The following SPRY3 variants were observed in gnomAD, a reference collection of about 807,000 sequenced individuals.
SPRY3 encodes the protein protein sprouty homolog 3.
A neutral mutation model predicts 20.2 loss-of-function variants in SPRY3; 15 were observed. That is an observed-to-expected ratio of 0.74 (90% CI 0.50 to 1.14). SPRY3 has a LOEUF of 1.14. SPRY3 is among the 50% of genes most tolerant of loss of function. The pLI is 0.00. For synonymous variants in SPRY3, 143 were observed against 136.5 expected, an observed-to-expected ratio of 1.05 and a Z score of -0.33; for missense variants, 364 against 363.9, an observed-to-expected ratio of 1.00 and a Z score of 0.00.
chrX:155,730,732 G>A (rs1399132545), intron 2 of SPRY3, among the ~76,000 whole-genome samples: 2 of 152,050 alleles, frequency 1.3e-5, no homozygotes, highest in African/African-American at 4.8e-5. Context: ...ATCCTTGTTT[G>A]CAGATGATAT....
At chrX:155,674,097 C>T (rs1019742184) in intron 2 of SPRY3, among the ~76,000 whole-genome samples, 1 of 111,398 alleles carries the variant, frequency 9.0e-6, no homozygotes, top group Non-Finnish European at 1.9e-5. Context: ...TAATTTTGTA[C>T]GGTGGTTCCC....
chrX:155,685,981 G>T (rs2068086623), intron 2 of SPRY3, among the ~76,000 whole-genome samples: 1 of 110,554 alleles, frequency 9.0e-6, no homozygotes, highest in Non-Finnish European at 1.9e-5. Flanking sequence ...AAACCATGTT[G>T]GCCAGGATGG....
intron 1 of SPRY3, among the ~76,000 whole-genome samples, chrX:155,654,860 C>A (rs782124294): frequency 1.5e-4 from 17 of 111,135 alleles, no homozygotes; most frequent in African/African-American, 5.6e-4. Flanking sequence ...TTAATGATTT[C>A]TTTTCCATTG....
intron 2 of SPRY3, among the ~76,000 whole-genome samples, chrX:155,710,781 A>G (rs748061642): frequency 6.6e-6 from 1 of 151,726 alleles, no homozygotes; most frequent in Admixed American, 6.6e-5. Flanking sequence ...CATTCACTAT[A>G]ATACTAGCTG....
At chrX:155,682,008 A>G (rs2068075253) in intron 2 of SPRY3, among the ~76,000 whole-genome samples, 1 of 112,860 alleles carries the variant, frequency 8.9e-6, no homozygotes, top group African/African-American at 3.2e-5. Context: ...ATGTTGATGA[A>G]ACAGTCTTCT....
At chrX:155,680,112 G>T (rs1303235741) in intron 2 of SPRY3, among the ~76,000 whole-genome samples, 1 of 104,649 alleles carries the variant, frequency 9.6e-6, no homozygotes, top group Non-Finnish European at 2.0e-5. Context: ...TAGCAATGAG[G>T]AGCCACTGAA....
intron 2 of SPRY3, among the ~76,000 whole-genome samples, chrX:155,732,942 G>C (rs1305713439): frequency 6.6e-6 from 1 of 151,842 alleles, no homozygotes; most frequent in African/African-American, 2.4e-5. Context: ...CTTAGTCATG[G>C]GAGCTAAAAA....
chrX:155,737,754 C>A (rs897497408), intron 2 of SPRY3, among the ~76,000 whole-genome samples: 1 of 151,934 alleles, frequency 6.6e-6, no homozygotes, highest in African/African-American at 2.4e-5. Flanking sequence ...TCATGTGAAG[C>A]CTTTTGCTCA....
At chrX:155,760,897 T>A (rs1213894906) in intron 2 of SPRY3, among the ~76,000 whole-genome samples, 1 of 152,166 alleles carries the variant, frequency 6.6e-6, no homozygotes, top group Admixed American at 6.5e-5. Context: ...TGGGGACCCA[T>A]GCTTTAAAGT....
At chrX:155,707,346 A>C (rs2090958983) in intron 2 of SPRY3, among the ~76,000 whole-genome samples, 1 of 151,216 alleles carries the variant, frequency 6.6e-6, no homozygotes, top group Non-Finnish European at 1.5e-5. Flanking sequence ...CAGAGAACAT[A>C]GATTTGTTTT....
At chrX:155,646,841 G>A (rs1174107831) in intron 1 of SPRY3, among the ~76,000 whole-genome samples, 1 of 111,127 alleles carries the variant, frequency 9.0e-6, no homozygotes, top group Non-Finnish European at 1.9e-5. Flanking sequence ...GATACAAGTG[G>A]TGGGAGTGAT....
intron 2 of SPRY3, among the ~76,000 whole-genome samples, chrX:155,741,723 A>G (rs2091205267): frequency 1.3e-5 from 2 of 152,074 alleles, no homozygotes; most frequent in Non-Finnish European, 2.9e-5. Context: ...AGAATTTCCA[A>G]CCCAGAACAT....
intron 2 of SPRY3, among the ~76,000 whole-genome samples, chrX:155,706,682 A>G (rs1197348180): frequency 6.6e-6 from 1 of 151,076 alleles, no homozygotes; most frequent in Non-Finnish European, 1.5e-5. Flanking sequence ...CCACACATAC[A>G]TTAAAAAGAT....
At chrX:155,765,681 A>G (rs1252034636) in intron 2 of SPRY3, among the ~76,000 whole-genome samples, 1 of 152,164 alleles carries the variant, frequency 6.6e-6, no homozygotes, top group East Asian at 1.9e-4. Context: ...AATTGTTTTC[A>G]TTGTTGCCTT....
intron 2 of SPRY3, among the ~76,000 whole-genome samples, chrX:155,722,101 T>C (rs2091063154): frequency 1.3e-5 from 2 of 152,206 alleles, no homozygotes; most frequent in African/African-American, 4.8e-5. Context: ...TTATTAGTTT[T>C]CTCTTTGCTT....
downstream of SPRY3, chrX:155,779,552 A>G (rs923608456): frequency 6.0e-6 from 1 of 167,020 alleles, no homozygotes; most frequent in African/African-American, 2.4e-5. Flanking sequence ...TTAATATAAA[A>G]AGGAATTTCA....
chrX:155,766,032 C>G (rs1042921375), intron 2 of SPRY3, among the ~76,000 whole-genome samples: 2 of 151,858 alleles, frequency 1.3e-5, no homozygotes, highest in Non-Finnish European at 2.9e-5. Context: ...TGTAGATGAA[C>G]CTACAGTGAA....
At chrX:155,650,925 GAGCAC>G (rs1557352333) in intron 1 of SPRY3, among the ~76,000 whole-genome samples, 1 of 111,887 alleles carries the variant, frequency 8.9e-6, no homozygotes, top group African/African-American at 3.2e-5. Context: ...AAATTCTCAA[GAGCAC>G]AGTTTCAGGG....
chrX:155,726,682 C>T (rs111852377), intron 2 of SPRY3, among the ~76,000 whole-genome samples: 6 of 152,134 alleles, frequency 3.9e-5, no homozygotes, highest in Admixed American at 6.5e-5. Context: ...AGTAGATCTT[C>T]CTCCATCCCT....
Sources: gnomAD v4.1 joint callset for allele counts (sites outside exome capture counted in the v4.1 genomes callset) on GRCh38, gnomAD v4.1.1 for gene constraint, MANE v1.5 for transcripts, NCBI Gene and HGNC (gene_info 2026-07-23, HGNC 2026-07-21) for gene names.